Variants in EPHA3 observed in about 807,000 individuals in gnomAD.
EPHA3 encodes the protein EPH receptor A3, also known as ephrin type-A receptor 3.
A neutral mutation model predicts 107.1 loss-of-function variants in EPHA3; 42 were observed. The ratio of observed to expected loss-of-function variants is 0.39; its 90% CI spans 0.31 to 0.51. EPHA3 has a LOEUF of 0.51. EPHA3 is among the 20% of genes least tolerant of loss of function. The pLI is 0.78. For missense variants in EPHA3, 1,183 were observed against 1,211.2 expected (o/e 0.98, Z 0.35); for synonymous variants, 461 against 424.8 (o/e 1.09, Z -1.05).
At chr3:89,270,050 G>C (rs1382456286) in intron 3 of EPHA3, among the ~76,000 whole-genome samples, 1 of 151,620 alleles carries the variant, frequency 6.6e-6, no homozygotes, top group Non-Finnish European at 1.5e-5. Flanking sequence ...CTGCCAAAAG[G>C]ACCAAATGTG....
At chr3:89,327,480 A>C (rs1209852742) in intron 3 of EPHA3, among the ~76,000 whole-genome samples, 1 of 152,156 alleles carries the variant, frequency 6.6e-6, no homozygotes, top group Non-Finnish European at 1.5e-5. Context: ...AGCGCTAAGA[A>C]ACCAAGACTT....
intron 2 of EPHA3, among the ~76,000 whole-genome samples, chr3:89,198,486 C>T (rs1705897253): frequency 1.3e-5 from 2 of 151,472 alleles, no homozygotes; most frequent in African/African-American, 4.9e-5. Context: ...ATCTAGGCTC[C>T]TCAGGATACT....
intron 5 of EPHA3, among the ~76,000 whole-genome samples, chr3:89,364,148 GT>G (rs1447036172): frequency 6.6e-6 from 1 of 150,796 alleles, no homozygotes; most frequent in African/African-American, 2.4e-5. Context: ...TCACTACACT[GT>G]TTCCCTTTAC....
intron 3 of EPHA3, among the ~76,000 whole-genome samples, chr3:89,279,872 T>C (rs1221431584): frequency 6.6e-6 from 1 of 152,184 alleles, no homozygotes; most frequent in Non-Finnish European, 1.5e-5. Context: ...ACTCTAAATA[T>C]AACACAAAAA....
At chr3:89,223,999 T>A (rs1394643368) in intron 3 of EPHA3, among the ~76,000 whole-genome samples, 1 of 152,202 alleles carries the variant, frequency 6.6e-6, no homozygotes, top group Non-Finnish European at 1.5e-5. Context: ...ACAGCTTTTG[T>A]GTGAATAATG....
chr3:89,329,207 C>T (rs1191406708), intron 3 of EPHA3, among the ~76,000 whole-genome samples: 2 of 152,062 alleles, frequency 1.3e-5, no homozygotes, highest in East Asian at 3.9e-4. Context: ...CACACATACC[C>T]TCGGCGTGTC....
intron 3 of EPHA3, among the ~76,000 whole-genome samples, chr3:89,267,351 C>T (rs1705561587): frequency 6.6e-6 from 1 of 152,092 alleles, no homozygotes; most frequent in Admixed American, 6.6e-5. Flanking sequence ...AGGGTTGACT[C>T]AAAGCATATA....
chr3:89,121,702 A>C (rs1707391379), intron 1 of EPHA3, among the ~76,000 whole-genome samples: 1 of 151,540 alleles, frequency 6.6e-6, no homozygotes, highest in Non-Finnish European at 1.5e-5. Context: ...GGTTGCAGTG[A>C]GCCAAGTTTG....
intron 3 of EPHA3, 111 bp downstream of exon 3, chr3:89,210,631 C>G (rs1364727541): frequency 8.2e-6 from 9 of 1,098,376 alleles, no homozygotes; most frequent in Non-Finnish European, 1.2e-5. Flanking sequence ...GAAAACATGC[C>G]TCAAACTGAC....
At chr3:89,337,321 C>G (rs1468832101) in intron 3 of EPHA3, among the ~76,000 whole-genome samples, 3 of 152,180 alleles carry the variant, frequency 2.0e-5, no homozygotes, top group Non-Finnish European at 4.4e-5. Flanking sequence ...AAGATTCCTT[C>G]CCTGTTCAAA....
At chr3:89,307,330 G>A (rs1195850640) in intron 3 of EPHA3, among the ~76,000 whole-genome samples, 2 of 152,078 alleles carry the variant, frequency 1.3e-5, no homozygotes, top group Non-Finnish European at 2.9e-5. Context: ...GGATTGAGTT[G>A]CTAAACCTAA....
At chr3:89,110,780 A>C (rs1336829611) in intron 1 of EPHA3, among the ~76,000 whole-genome samples, 2 of 152,076 alleles carry the variant, frequency 1.3e-5, no homozygotes, top group Admixed American at 6.5e-5. Flanking sequence ...AATGGTAAAC[A>C]GAAATAACAT....
chr3:89,281,004 A>ATTTTTTTATTTATTTAT (rs71105126), intron 3 of EPHA3, among the ~76,000 whole-genome samples: 1 of 147,280 alleles, frequency 6.8e-6, no homozygotes, highest in Non-Finnish European at 1.5e-5. Context: ...CAAGATTTTT[A>ATTTTTTTATTTATTTAT]TTATTTATTT....
chr3:89,216,617 T>C (rs758573412), intron 3 of EPHA3, among the ~76,000 whole-genome samples: 1 of 152,078 alleles, frequency 6.6e-6, no homozygotes, highest in Non-Finnish European at 1.5e-5. Flanking sequence ...TGACCTTCCT[T>C]AGCTCTGATT....
At chr3:89,299,255 A>G (rs925821952) in intron 3 of EPHA3, among the ~76,000 whole-genome samples, 1 of 152,080 alleles carries the variant, frequency 6.6e-6, no homozygotes, top group South Asian at 2.1e-4. Flanking sequence ...AAAGAAAACT[A>G]TTATACTTAA....
rs1427329010 is a variant in EPHA3, at chr3:89,431,132, A to G, written c.2137-18A>G. The G allele has an allele frequency of 6.2e-7, 1 of 1,611,222 alleles. No individual in the cohort carries two copies. Among genetic ancestry groups the G allele is most frequent in the South Asian group, 1.1e-5 (1 of 90,934 alleles). The stretch of plus-strand genomic sequence containing the variant: ...AAATAGGAACGTATCTTAATTGTAC[A>G]TTTGAAATGCTTCCCAGAAACACGA... On this transcript the variant is annotated intron_variant, in intron 12 of 16. Coordinates refer to ENST00000336596, the MANE Select transcript of EPHA3 (RefSeq NM_005233.6).
At chr3:89,408,857 T>C (rs1709104714) in intron 9 of EPHA3, among the ~76,000 whole-genome samples, 1 of 152,112 alleles carries the variant, frequency 6.6e-6, no homozygotes, top group East Asian at 1.9e-4. Context: ...ACTGTACTCA[T>C]GCTTATGTGC....
intron 3 of EPHA3, among the ~76,000 whole-genome samples, chr3:89,235,108 G>C (rs1276135116): frequency 7.3e-6 from 1 of 137,584 alleles, no homozygotes; most frequent in Non-Finnish European, 1.5e-5. Context: ...TTTTAGTAGA[G>C]ATGGGGTTTC....
intron 14 of EPHA3, 32 bp from the exon 15 acceptor site, chr3:89,450,145 C>A (rs1250579784): frequency 6.6e-7 from 1 of 1,526,322 alleles, no homozygotes; most frequent in East Asian, 2.3e-5. Context: ...CTGAAAACTT[C>A]CTGGTTCCTG....
Sources: allele counts gnomAD v4.1 joint callset (sites outside exome capture counted in the v4.1 genomes callset), GRCh38; gene constraint gnomAD v4.1.1; transcripts MANE v1.5; gene names NCBI Gene and HGNC (gene_info 2026-07-23, HGNC 2026-07-21).